The following SYP variants were observed in gnomAD, a reference collection of about 807,000 sequenced individuals.
SYP encodes the protein major synaptic vesicle protein P38.
Under a neutral mutation model 24.3 loss-of-function variants are expected in SYP, and 2 were observed. That is an observed-to-expected ratio of 0.08 (90% CI 0.03 to 0.26). The LOEUF is 0.26. Among genes scored for constraint, SYP ranks in the 10% least tolerant of loss-of-function variants. The probability of loss-of-function intolerance (pLI) is 1.00; values close to 1 mark genes in which losing one functional copy is unlikely to be tolerated. For synonymous variants in SYP, 143 were observed against 123.2 expected (o/e 1.16, Z -1.07); for missense variants, 216 against 266.3 (o/e 0.81, Z 1.32).
At chrX:49,197,662 C>T (rs1292833812) in intron 3 of SYP, 53 bp downstream of exon 3, 1 of 1,187,123 alleles carries the variant, frequency 8.4e-7, no homozygotes, top group African/African-American at 1.8e-5. Flanking sequence ...TGGCCGGTTC[C>T]ACCCTGCCCC....
At chrX:49,199,481 G>A (rs1384076844) in intron 1 of SYP, among the ~76,000 whole-genome samples, 3 of 106,239 alleles carry the variant, frequency 2.8e-5, no homozygotes, top group Non-Finnish European at 5.8e-5. Flanking sequence ...CGGCGGTGGC[G>A]GTAGATATTT....
intron 3 of SYP, among the ~76,000 whole-genome samples, chrX:49,194,694 CCCT>C (rs2065522216): frequency 9.7e-6 from 1 of 102,637 alleles, no homozygotes; most frequent in Admixed American, 1.1e-4. Flanking sequence ...GGGTCTTACT[CCCT>C]CATCTCCTTT....
intron 3 of SYP, 176 bp downstream of exon 3, chrX:49,197,539 C>T: frequency 1.5e-6 from 1 of 673,136 alleles, no homozygotes; most frequent in Non-Finnish European, 2.2e-6. Flanking sequence ...CCTTGCTCAC[C>T]ACATAGTCCT....
Position 49,191,568 on chromosome X carries a change from G to T in SYP, c.811C>A (p.Gln271Lys). Residue 271 changes from glutamine (Q) to lysine (K), a missense_variant, in exon 6 of 7, where the codon CAG (glutamine) becomes AAG (lysine). This residue lies in a region of SYP where 114 missense variants were observed against 107.9 expected (regional missense o/e 1.06). Transcript: ENST00000263233. ...CCATAGTCAGGCTGGTAGCCGCCCT[G>T]AGGCCCGTAGGAATCCTGGGGCCCG... is the stretch of plus-strand genomic sequence containing the variant. ...GYGPQDSYGP[Q>K]GGYQPDYGQP... 1 of 1,210,351 alleles carries T rather than the reference G, an allele frequency of 8.3e-7. No homozygotes were observed. Among genetic ancestry groups the T allele is most frequent in the East Asian group, 3.0e-5 (1 of 33,813 alleles).
In SYP at chrX:49,191,529, T is replaced by C; in HGVS notation, c.850A>G (p.Ser284Gly). 2.5e-6 allele frequency: 3 copies of C among 1,211,080 alleles called. No individual in the cohort carries two copies. Among genetic ancestry groups the C allele is most frequent in the Non-Finnish European group, 3.4e-6 (3 of 895,345 alleles). Residue 284 changes from serine to glycine, a missense_variant, in exon 6 of 7, where the codon AGC becomes GGC. By Grantham distance (56) the Ser-to-Gly change is moderately conservative. Transcript: ENST00000263233. ...TGAGGCCCGTAGCCACTGCCACCGC[T>C]GCCGGCTGGTTGACCATAGTCAGGC... ...YQPDYGQPAG[S>G]GGSGYGPQGD...
chrX:49,194,066 G>A (rs1230289437), intron 4 of SYP, 100 bp downstream of exon 4: 2 of 991,222 alleles, frequency 2.0e-6, no homozygotes, highest in South Asian at 2.0e-5. Context: ...CTGTTTGCAT[G>A]TGGGCCTGTC....
At position 49,200,179 on chromosome X, in the gene SYP, A is replaced by G; in HGVS notation, c.8T>C (p.Leu3Pro). The G allele has an allele frequency of 8.6e-7, 1 of 1,165,130 alleles. No individual in the cohort carries two copies. Among genetic ancestry groups the G allele is most frequent in the Non-Finnish European group, 1.1e-6 (1 of 871,781 alleles). Residue 3 changes from leucine to proline, a missense_variant, in exon 1 of 7, where the codon CTG becomes CCG. Transcript: ENST00000263233. MLLLADMDVVNQL... is the reference protein window; with the variant it reads MLPLADMDVVNQL... ...ATTCACCACGTCCATGTCCGCCAGCAGCAGCATCAGCAATGCAGGGGGCGG... is the reference window on the plus strand; with the variant it reads ...ATTCACCACGTCCATGTCCGCCAGCGGCAGCATCAGCAATGCAGGGGGCGG...
intron 2 of SYP, chrX:49,198,596 G>A: frequency 4.8e-6 from 1 of 209,231 alleles, no homozygotes; most frequent in East Asian, 8.8e-5. Context: ...TTCCATCTCT[G>A]TCTTTATCAT....
intron 1 of SYP, chrX:49,199,310 G>A (rs899633507): frequency 2.5e-4 from 82 of 332,045 alleles, no homozygotes; most frequent in African/African-American, 1.9e-3. Context: ...GGTTTGAAAC[G>A]TAAAGGCGAG....
chrX:49,191,424 G>T lies in SYP; in HGVS notation c.*4+9C>A. The T allele has an allele frequency of 1.7e-6, 2 of 1,209,767 alleles. No homozygotes were observed. The highest frequency in any genetic ancestry group is 2.2e-6 in the Non-Finnish European group (2 of 894,490). On this transcript the variant is annotated intron_variant, in intron 6 of 6. Coordinates refer to ENST00000263233, the MANE Select transcript of SYP (RefSeq NM_003179.3). ...CCCTCCTTGGCCGCACCGCTCGCCG[G>T]TCACTCACCAGACTACATCTGATTG...
chrX:49,199,648 G>A (rs2065543153), intron 1 of SYP, among the ~76,000 whole-genome samples: 1 of 105,237 alleles, frequency 9.5e-6, no homozygotes, highest in African/African-American at 3.5e-5. Flanking sequence ...GGAGGCTGGG[G>A]GTTTTGGAAG....
intron 1 of SYP, 142 bp from the exon 2 acceptor site, chrX:49,199,175 A>T (rs2065540526): frequency 1.7e-6 from 1 of 576,859 alleles, no homozygotes; most frequent in African/African-American, 2.2e-5. Context: ...CACCTTGGGG[A>T]TGGTGTGAGC....
At chrX:49,191,868 G>A (rs2065510987) in intron 5 of SYP, 105 bp from the exon 6 acceptor site, 1 of 925,918 alleles carries the variant, frequency 1.1e-6, no homozygotes, top group Admixed American at 2.6e-5. Context: ...CCGCAAGGTG[G>A]GGGTTTCTGA....
intron 3 of SYP, 55 bp from the exon 4 acceptor site, chrX:49,194,416 C>T (rs1252383133): frequency 8.8e-7 from 1 of 1,131,325 alleles, no homozygotes; most frequent in Non-Finnish European, 1.2e-6. Context: ...CCTCAACCCT[C>T]CAGCCCAATC....
chrX:49,197,437 G>A, intron 3 of SYP: 1 of 382,181 alleles, frequency 2.6e-6, no homozygotes, highest in East Asian at 4.4e-5. Flanking sequence ...GTTAAGGTAT[G>A]TATATACACC....
intron 4 of SYP, 23 bp downstream of exon 4, chrX:49,194,143 T>C (rs1557103126): frequency 5.8e-6 from 7 of 1,208,065 alleles, no homozygotes; most frequent in Non-Finnish European, 6.7e-6. Flanking sequence ...GGTCCCTACA[T>C]GCAAGTGGCT....
chrX:49,199,539 C>A (rs1295181087), intron 1 of SYP, among the ~76,000 whole-genome samples: 2 of 100,602 alleles, frequency 2.0e-5, no homozygotes, highest in Non-Finnish European at 4.0e-5. Flanking sequence ...GGGTGAGTTT[C>A]TGAGGTGGCA....
intron 5 of SYP, 65 bp from the exon 6 acceptor site, chrX:49,191,828 A>T: frequency 9.1e-7 from 1 of 1,100,529 alleles, no homozygotes; most frequent in Non-Finnish European, 1.2e-6. Context: ...GCGTGCAGGA[A>T]TGAGCATGCG....
At chrX:49,200,106 C>A (rs1416179656) in intron 1 of SYP, 45 bp downstream of exon 1, 8 of 1,159,702 alleles carry the variant, frequency 6.9e-6, no homozygotes, top group Non-Finnish European at 9.2e-6. Context: ...CCGGCCTAGG[C>A]AGCCGGGCGG....
Sources: gnomAD v4.1 joint callset for allele counts (sites outside exome capture counted in the v4.1 genomes callset) on GRCh38, gnomAD v4.1.1 for gene constraint, gnomAD v4.1.1 regional missense constraint, MANE v1.5 for transcripts, NCBI Gene and HGNC (gene_info 2026-07-23, HGNC 2026-07-21) for gene names.